The following ERG variants were observed in gnomAD, a reference collection of about 807,000 sequenced individuals.
ERG encodes transcriptional regulator ERG.
Under a neutral mutation model 55.3 loss-of-function variants are expected in ERG, and 9 were observed. That is an observed-to-expected ratio of 0.16 (90% confidence interval 0.10 to 0.28). The LOEUF (loss-of-function observed/expected upper bound fraction) is 0.28. ERG is among the 10% of genes least tolerant of loss of function. ERG has a pLI of 1.00. For synonymous variants in ERG, 223 were observed against 237.3 expected, an observed-to-expected ratio of 0.94 and a Z score of 0.55; for missense variants, 434 against 631.6, an observed-to-expected ratio of 0.69 and a Z score of 3.35.
At chr21:38,443,576 C>T (rs1220836936) in intron 2 of ERG, among the ~76,000 whole-genome samples, 13 of 152,292 alleles carry the variant, frequency 8.5e-5, no homozygotes, top group Non-Finnish European at 1.5e-4. Flanking sequence ...AACATGATTA[C>T]CCTGCATTCT....
At chr21:38,515,692 G>A (rs940594188) in intron 2 of ERG, among the ~76,000 whole-genome samples, 2 of 151,862 alleles carry the variant, frequency 1.3e-5, no homozygotes, top group African/African-American at 4.8e-5. Flanking sequence ...AATATTTCTG[G>A]TGAATATAAG....
Position 38,380,225 on chromosome 21 carries a change from C to T in ERG, c.*3178G>A, listed in dbSNP as rs959452738. On this transcript the variant is annotated 3_prime_UTR_variant, in exon 10 of 10. Coordinates refer to ENST00000288319, the MANE Select transcript of ERG (RefSeq NM_182918.4). Reference sequence around the variant, plus strand: ...CCTGTGCCCCATCACCTTCCCAGCTCCTGAGCTGTAGCCATCTCTGCTGCA... The same window carrying T: ...CCTGTGCCCCATCACCTTCCCAGCTTCTGAGCTGTAGCCATCTCTGCTGCA... The T allele has an allele frequency of 7.6e-6, 8 of 1,052,934 alleles. No homozygotes were observed. The highest frequency in any genetic ancestry group is 4.3e-4 in the Middle Eastern group (1 of 2,338). The allele number at this position is 1,052,934 out of a possible 1,614,324, so 65.2% of individuals were successfully genotyped here.
intron 1 of ERG, among the ~76,000 whole-genome samples, chr21:38,581,195 G>C (rs549680007): frequency 6.6e-6 from 1 of 152,280 alleles, no homozygotes; most frequent in South Asian, 2.1e-4. Flanking sequence ...GGCAGGAATG[G>C]GGCCTAGAAG....
intron 1 of ERG, among the ~76,000 whole-genome samples, chr21:38,601,620 G>C (rs1015271645): frequency 6.6e-6 from 1 of 152,142 alleles, no homozygotes; most frequent in East Asian, 1.9e-4. Context: ...GACTCCCCGA[G>C]TTTCTCATTC....
chr21:38,477,007 C>CTTTTTTTTTTTTTT (rs397867221), intron 1 of ERG, among the ~76,000 whole-genome samples: 6 of 84,158 alleles, frequency 7.1e-5, no homozygotes, highest in Non-Finnish European at 1.1e-4. Flanking sequence ...TCTTTCTTTC[C>CTTTTTTTTTTTTTT]TTTTTTTTTT....
intron 1 of ERG, among the ~76,000 whole-genome samples, chr21:38,476,220 A>T (rs2059185538): frequency 1.4e-5 from 2 of 147,312 alleles, no homozygotes; most frequent in South Asian, 2.1e-4. Flanking sequence ...GTAGTACGTT[A>T]AAAAAAAAAA....
chr21:38,467,278 T>C (rs145860965), intron 1 of ERG, among the ~76,000 whole-genome samples: 25 of 152,202 alleles, frequency 1.6e-4, no homozygotes, highest in Non-Finnish European at 2.5e-4. Flanking sequence ...TACTCTGAAG[T>C]GTGCAATTGA....
At chr21:38,534,167 T>G (rs1310987436) in intron 2 of ERG, among the ~76,000 whole-genome samples, 1 of 152,240 alleles carries the variant, frequency 6.6e-6, no homozygotes, top group Non-Finnish European at 1.5e-5. Flanking sequence ...GATAAGGGTC[T>G]GCTCTGAGCT....
intron 7 of ERG, 75 bp from the exon 8 acceptor site, chr21:38,391,790 C>A: frequency 8.4e-7 from 1 of 1,191,762 alleles, no homozygotes; most frequent in Admixed American, 1.8e-5. Context: ...GTTGCATAAT[C>A]ATTCTATCAG....
At chr21:38,436,586 T>C (rs894423642) in intron 2 of ERG, among the ~76,000 whole-genome samples, 1 of 152,170 alleles carries the variant, frequency 6.6e-6, no homozygotes, top group Non-Finnish European at 1.5e-5. Context: ...ACGAAAACTT[T>C]TGGAAACTCA....
At chr21:38,588,565 T>C, upstream of ERG, among the ~76,000 whole-genome samples, 1 of 152,156 alleles carries the variant, frequency 6.6e-6, no homozygotes, top group East Asian at 1.9e-4. Context: ...CCCAAGTTTA[T>C]GCTGACCCAC....
intron 1 of ERG, among the ~76,000 whole-genome samples, chr21:38,615,840 A>C (rs970859719): frequency 5.9e-5 from 9 of 151,980 alleles, no homozygotes; most frequent in Non-Finnish European, 5.9e-5. Flanking sequence ...GATGTCACTG[A>C]ATGCAGAGTT....
chr21:38,520,465 T>C (rs894170425), intron 2 of ERG, among the ~76,000 whole-genome samples: 9 of 152,280 alleles, frequency 5.9e-5, no homozygotes, highest in Admixed American at 5.2e-4. Flanking sequence ...TCTGTGTCCA[T>C]GAGGTGGGCA....
intron 1 of ERG, among the ~76,000 whole-genome samples, chr21:38,484,978 CATT>C (rs1305572462): frequency 1.3e-5 from 2 of 151,352 alleles, no homozygotes; most frequent in Non-Finnish European, 2.9e-5. Context: ...TACTTTTCAT[CATT>C]ATTTTAGAGT....
chr21:38,638,018 A>T (rs2060400822), intron 1 of ERG, among the ~76,000 whole-genome samples: 1 of 152,260 alleles, frequency 6.6e-6, no homozygotes, highest in Admixed American at 6.5e-5. Context: ...TGCATTGGGC[A>T]TATCAGAGAA....
At chr21:38,434,020 T>C (rs1990347336) in intron 2 of ERG, among the ~76,000 whole-genome samples, 1 of 152,166 alleles carries the variant, frequency 6.6e-6, no homozygotes, top group Non-Finnish European at 1.5e-5. Flanking sequence ...TCCCTCCTGC[T>C]ACCAGAGTGC....
intron 1 of ERG, among the ~76,000 whole-genome samples, chr21:38,459,260 A>G (rs1027049537): frequency 1.3e-5 from 2 of 152,200 alleles, no homozygotes; most frequent in Non-Finnish European, 2.9e-5. Context: ...CTTGTTTCCC[A>G]AGGCCACATA....
At chr21:38,421,891 C>T (rs571542615) in intron 3 of ERG, among the ~76,000 whole-genome samples, 17 of 152,210 alleles carry the variant, frequency 1.1e-4, no homozygotes, top group Admixed American at 3.9e-4. Flanking sequence ...TTGCTCTTGT[C>T]GCCCAGGCTG....
At chr21:38,599,274 C>T (rs1177283110) in intron 1 of ERG, among the ~76,000 whole-genome samples, 2 of 152,092 alleles carry the variant, frequency 1.3e-5, no homozygotes, top group East Asian at 3.9e-4. Flanking sequence ...GTGAGCCAGC[C>T]CTGACAGAAA....
Sources: allele counts gnomAD v4.1 joint callset (sites outside exome capture counted in the v4.1 genomes callset), GRCh38; gene constraint gnomAD v4.1.1; transcripts MANE v1.5; gene names NCBI Gene and HGNC (gene_info 2026-07-23, HGNC 2026-07-21).